The following PTPRT variants were observed in gnomAD, a reference collection of about 807,000 sequenced individuals.
PTPRT encodes the protein protein tyrosine phosphatase receptor type T.
In PTPRT, 56 loss-of-function variants were observed where a neutral mutation model predicts 176.8. That is an observed-to-expected ratio of 0.32 (90% CI 0.26 to 0.40). The LOEUF (loss-of-function observed/expected upper bound fraction) is 0.40, where lower values mean the gene tolerates loss of function less well. PTPRT is among the 10% of genes least tolerant of loss of function. PTPRT has a pLI of 1.00. For synonymous variants in PTPRT, 783 were observed against 739.0 expected, an observed-to-expected ratio of 1.06 and a Z score of -0.96; for missense variants, 1,540 against 1,908.2, an observed-to-expected ratio of 0.81 and a Z score of 3.60.
chr20:42,270,072 C>T (rs2056905037), intron 13 of PTPRT, among the ~76,000 whole-genome samples: 1 of 152,044 alleles, frequency 6.6e-6, no homozygotes, highest in African/African-American at 2.4e-5. Context: ...GTGGCTGTTT[C>T]TTCTCCTGGA....
At chr20:42,052,259 C>T in the PTPRT span, among the ~76,000 whole-genome samples, 1 of 152,138 alleles carries the variant, frequency 6.6e-6, no homozygotes, top group Admixed American at 6.5e-5. Flanking sequence ...TCTGCTGGGC[C>T]CTGCCTGCTT....
chr20:43,163,657 A>C lies in PTPRT; in HGVS notation c.88+25989T>G, dbSNP rs544228964. ...CTTCTCAAAAACAAAACAAAACAAAAAAAAAAACAGGCTGTATGTGGAAGG... is the reference window on the plus strand; with the variant it reads ...CTTCTCAAAAACAAAACAAAACAAACAAAAAAACAGGCTGTATGTGGAAGG... On this transcript the variant is annotated intron_variant, in intron 1 of 30. Coordinates refer to ENST00000373187, the MANE Select transcript of PTPRT (RefSeq NM_007050.6). Among the ~76,000 whole-genome samples, 186 of 152,160 alleles carry C rather than the reference A, an allele frequency of 1.2e-3. 1 individual carries two copies. The highest frequency in any genetic ancestry group is 0.01 in the Middle Eastern group (3 of 294).
rs77147571 is a variant in PTPRT, at chr20:43,132,449, A to C, written c.88+57197T>G. 8.5e-5 allele frequency among the ~76,000 whole-genome samples: 13 copies of C among 152,332 alleles called. No individual in the cohort carries two copies. In the East Asian group the frequency reaches 2.5e-3, roughly 29 times the overall value. On this transcript the variant is annotated intron_variant, in intron 1 of 30. Transcript: ENST00000373187. ...ACCCTGGAGGGTTTTATCAGAGGAC[A>C]AAAAGGAACTACTGAATTCAGTGAA...
intron 12 of PTPRT, among the ~76,000 whole-genome samples, chr20:42,308,640 G>C (rs2057582085): frequency 6.6e-6 from 1 of 152,026 alleles, no homozygotes; most frequent in Non-Finnish European, 1.5e-5. Context: ...CGATTTTTTT[G>C]AGGCAGATCA....
intron 9 of PTPRT, among the ~76,000 whole-genome samples, chr20:42,443,779 G>A (rs1204721737): frequency 6.6e-6 from 1 of 152,206 alleles, no homozygotes. Context: ...ACTAAAAAGA[G>A]GGTGTCAAAG....
chr20:43,178,134 T>G (rs2015163123), intron 1 of PTPRT, among the ~76,000 whole-genome samples: 1 of 152,212 alleles, frequency 6.6e-6, no homozygotes, highest in Admixed American at 6.5e-5. Flanking sequence ...ACATTTCCTC[T>G]TTTCCAGTAG....
chr20:42,469,689 CAG>C lies in PTPRT; in HGVS notation c.1450+2575_1450+2576del, dbSNP rs1376872524. Among the ~76,000 whole-genome samples the C allele has an allele frequency of 3.4e-5, 5 of 148,098 alleles. No individual in the cohort carries two copies. In the South Asian group the frequency reaches 1.1e-3, roughly 32 times the overall value. On this transcript the variant is annotated intron_variant, in intron 8 of 30. Transcript: ENST00000373187. ...AATCTTCCTAGAACTGGAAGTTTTACAGAGTCTACTCCAAGGATGACCCCAAA... is the reference window on the plus strand; with the variant it reads ...AATCTTCCTAGAACTGGAAGTTTTACAGTCTACTCCAAGGATGACCCCAAA...
rs76641407 is a variant in PTPRT at position 43,029,887 on chromosome 20, C to A, written c.89-143955G>T. 7.1e-3 allele frequency among the ~76,000 whole-genome samples: 1,082 copies of A among 152,254 alleles called. 16 individuals are homozygous for A. Among genetic ancestry groups the A allele is most frequent in the African/African-American group, 0.024 (1,008 of 41,544 alleles). ...TCAGTTTTTGCTCTGTTCCACAGAC[C>A]ACCTATTTCCGAGATAGAGGCTGTT... On this transcript the variant is annotated intron_variant, in intron 1 of 30. Transcript: ENST00000373187.
At chr20:42,415,536 C>T (rs965986588) in intron 9 of PTPRT, among the ~76,000 whole-genome samples, 3 of 152,090 alleles carry the variant, frequency 2.0e-5, no homozygotes, top group African/African-American at 7.2e-5. Flanking sequence ...TTCTGGAAAA[C>T]ATTGTTCTCC....
chr20:43,129,008 G>A (rs2013552222), intron 1 of PTPRT, among the ~76,000 whole-genome samples: 1 of 152,104 alleles, frequency 6.6e-6, no homozygotes, highest in African/African-American at 2.4e-5. Flanking sequence ...TATCCATCTG[G>A]CCTACAAAGC....
At chr20:42,821,245 G>A (rs2077887953) in intron 2 of PTPRT, among the ~76,000 whole-genome samples, 1 of 152,148 alleles carries the variant, frequency 6.6e-6, no homozygotes, top group Non-Finnish European at 1.5e-5. Context: ...TGAGATGCAA[G>A]GCTGGTTCAA....
At chr20:42,243,506 C>G (rs1164597277) in intron 14 of PTPRT, among the ~76,000 whole-genome samples, 1 of 152,086 alleles carries the variant, frequency 6.6e-6, no homozygotes, top group African/African-American at 2.4e-5. Flanking sequence ...CTAGGAAGAA[C>G]AAGAGGCTGA....
chr20:43,020,127 T>TAC (rs59065894), intron 1 of PTPRT, among the ~76,000 whole-genome samples: 1 of 134,468 alleles, frequency 7.4e-6, no homozygotes, highest in Non-Finnish European at 1.5e-5. Flanking sequence ...TATATATATA[T>TAC]ACATATGCAT....
intron 2 of PTPRT, among the ~76,000 whole-genome samples, chr20:42,869,892 T>C (rs1478974243): frequency 6.6e-6 from 1 of 152,152 alleles, no homozygotes; most frequent in East Asian, 1.9e-4. Flanking sequence ...AGAGCCCTCA[T>C]GAATGGGAAT....
intron 15 of PTPRT, among the ~76,000 whole-genome samples, chr20:42,211,850 A>G (rs956404082): frequency 2.0e-5 from 3 of 151,848 alleles, no homozygotes; most frequent in African/African-American, 7.3e-5. Flanking sequence ...ATGCACACAT[A>G]TGTTTATTGC....
intron 2 of PTPRT, among the ~76,000 whole-genome samples, chr20:42,868,510 G>A (rs2078789561): frequency 6.6e-6 from 1 of 152,140 alleles, no homozygotes; most frequent in South Asian, 2.1e-4. Context: ...ACTGTTTATA[G>A]TAAAAGTGAG....
intron 7 of PTPRT, among the ~76,000 whole-genome samples, chr20:42,645,775 T>C (rs193091173): frequency 6.7e-6 from 1 of 149,600 alleles, no homozygotes; most frequent in Non-Finnish European, 1.5e-5. Context: ...TGTGTGTGTG[T>C]GTGTGTGTGT....
chr20:42,040,438 T>C, the PTPRT span, among the ~76,000 whole-genome samples: 1 of 152,188 alleles, frequency 6.6e-6, no homozygotes, highest in African/African-American at 2.4e-5. Context: ...CTGGGGTTCC[T>C]GGTATATATT....
At chr20:42,888,114 T>C (rs553344268) in intron 1 of PTPRT, among the ~76,000 whole-genome samples, 16 of 152,328 alleles carry the variant, frequency 1.1e-4, no homozygotes, top group Admixed American at 3.3e-4. Context: ...TAAGGCATTT[T>C]GTTATAACAG....
Sources: gnomAD v4.1 joint callset for allele counts (sites outside exome capture counted in the v4.1 genomes callset) on GRCh38, gnomAD v4.1.1 for gene constraint, MANE v1.5 for transcripts, NCBI Gene and HGNC (gene_info 2026-07-23, HGNC 2026-07-21) for gene names.